RFX7: variants seen among roughly 807,000 people sequenced by gnomAD.
RFX7 encodes DNA-binding protein RFX7.
RFX7 carries 26 observed loss-of-function variants against 111.8 expected under a neutral mutation model. The observed-to-expected ratio is 0.23, with a 90% CI of 0.17 to 0.32. RFX7 has a LOEUF of 0.32. Ranked by LOEUF, RFX7 falls within the 10% of genes least tolerant of loss-of-function variation. RFX7 has a pLI of 1.00. For missense variants in RFX7, 1,573 were observed against 1,772.9 expected, an observed-to-expected ratio of 0.89 and a Z score of 2.02; for synonymous variants, 624 against 624.4, an observed-to-expected ratio of 1.00 and a Z score of 0.01.
chr15:56,210,237 A>C (rs1379763443), intron 2 of RFX7, among the ~76,000 whole-genome samples: 1 of 152,114 alleles, frequency 6.6e-6, no homozygotes, highest in East Asian at 1.9e-4. Context: ...ACATAGTGAT[A>C]AATAGGTGAA....
chr15:56,149,082 CAAA>C (rs34272707), intron 3 of RFX7, among the ~76,000 whole-genome samples: 8 of 78,922 alleles, frequency 1.0e-4, no homozygotes, highest in Admixed American at 2.9e-4. Context: ...GACTCCGTCT[CAAA>C]AAAAAAAAAA....
In RFX7 at chr15:56,243,166, T is replaced by C; in HGVS notation, c.120A>G (p.Thr40=). Reference sequence around the variant, plus strand: ...TCTTGTGTTGCAGCGCGCTGGCCTCTGTCCCTGGCAGCCCGGGCACAAGGG... The same window carrying C: ...TCTTGTGTTGCAGCGCGCTGGCCTCCGTCCCTGGCAGCCCGGGCACAAGGG... ...LPALVPGLPG[T]EASALQHKIK... is the part of the protein sequence containing the mutation. Residue 40 remains threonine, a synonymous_variant, in exon 2 of 10, where the codon ACA becomes ACG. Coordinates refer to ENST00000559447, the MANE Select transcript of RFX7 (RefSeq NM_022841.7). The C allele has an allele frequency of 7.4e-7, 1 of 1,358,516 alleles. No homozygotes were observed. Among genetic ancestry groups the C allele is most frequent in the South Asian group, 1.2e-5 (1 of 85,890 alleles). 84.2% of individuals were successfully genotyped at this position (1,358,516 alleles called of 1,614,324 possible).
chr15:56,218,737 G>C (rs2043394265), intron 2 of RFX7, among the ~76,000 whole-genome samples: 1 of 152,152 alleles, frequency 6.6e-6, no homozygotes, highest in South Asian at 2.1e-4. Context: ...AATAATAATG[G>C]TATCATGTAT....
At chr15:56,211,872 C>T (rs1483275880) in intron 2 of RFX7, among the ~76,000 whole-genome samples, 2 of 152,028 alleles carry the variant, frequency 1.3e-5, no homozygotes, top group Non-Finnish European at 2.9e-5. Flanking sequence ...AATACTGACA[C>T]CACCAAATCC....
chr15:56,110,355 G>C (rs1286041666), intron 5 of RFX7, among the ~76,000 whole-genome samples: 1 of 96,752 alleles, frequency 1.0e-5, no homozygotes, highest in African/African-American at 3.8e-5. Context: ...CAGCCGCCTC[G>C]TCCGGGAGGG....
chr15:56,134,351 G>T (rs2042260719), intron 5 of RFX7, among the ~76,000 whole-genome samples: 1 of 152,110 alleles, frequency 6.6e-6, no homozygotes, highest in African/African-American at 2.4e-5. Flanking sequence ...TAAAATTAGT[G>T]CCTACTATGT....
At chr15:56,127,113 T>A (rs564060864) in intron 5 of RFX7, among the ~76,000 whole-genome samples, 40 of 151,900 alleles carry the variant, frequency 2.6e-4, no homozygotes, top group African/African-American at 4.8e-4. Flanking sequence ...TAATACATTT[T>A]AAAAAAAACT....
chr15:56,238,362 A>C (rs768721103), intron 2 of RFX7, among the ~76,000 whole-genome samples: 13 of 152,350 alleles, frequency 8.5e-5, no homozygotes, highest in Non-Finnish European at 1.6e-4. Flanking sequence ...ACTAGAATTC[A>C]GAAAACATCC....
intron 2 of RFX7, among the ~76,000 whole-genome samples, chr15:56,182,940 A>G (rs2042991052): frequency 6.6e-6 from 1 of 152,126 alleles, no homozygotes; most frequent in Non-Finnish European, 1.5e-5. Context: ...GTATCCATTT[A>G]TACTTCCATT....
At chr15:56,209,149 T>G (rs1212440373) in intron 2 of RFX7, among the ~76,000 whole-genome samples, 1 of 150,778 alleles carries the variant, frequency 6.6e-6, no homozygotes, top group Non-Finnish European at 1.5e-5. Context: ...CTACAGAAAA[T>G]CAAAGATAGA....
intron 2 of RFX7, among the ~76,000 whole-genome samples, chr15:56,225,559 C>G (rs1372878027): frequency 6.6e-6 from 1 of 152,152 alleles, no homozygotes; most frequent in Non-Finnish European, 1.5e-5. Flanking sequence ...AGGTAATTCA[C>G]AACATTTCAC....
intron 5 of RFX7, among the ~76,000 whole-genome samples, chr15:56,111,656 T>TAAACCAAAAAAAAAAAAAAAAA (rs2041933509): frequency 6.0e-4 from 12 of 20,152 alleles, no homozygotes; most frequent in Non-Finnish European, 1.1e-3. Context: ...AAAAAATAAA[T>TAAACCAAAAAAAAAAAAAAAAA]AAACCAAAAA....
intron 2 of RFX7, among the ~76,000 whole-genome samples, chr15:56,191,223 T>C (rs74732227): frequency 0.019 from 2,853 of 152,342 alleles, 91 homozygotes; most frequent in African/African-American, 0.065. Flanking sequence ...TGTTTTGTAA[T>C]ATCTTTTTGA....
intron 2 of RFX7, among the ~76,000 whole-genome samples, chr15:56,190,819 AAG>A (rs1272470929): frequency 4.6e-5 from 7 of 152,232 alleles, no homozygotes; most frequent in Non-Finnish European, 1.0e-4. Context: ...GACAGGAAAA[AAG>A]GGGGTGAAAC....
chr15:56,211,210 G>A (rs1186829779), intron 2 of RFX7, among the ~76,000 whole-genome samples: 1 of 152,032 alleles, frequency 6.6e-6, no homozygotes, highest in East Asian at 1.9e-4. Context: ...AAAAAAGAAA[G>A]TATATCAATC....
intron 2 of RFX7, among the ~76,000 whole-genome samples, chr15:56,232,571 C>T (rs1355415500): frequency 6.6e-6 from 1 of 150,510 alleles, no homozygotes; most frequent in Non-Finnish European, 1.5e-5. Flanking sequence ...CAGGCTTGAA[C>T]TTCTCCTCAG....
At chr15:56,183,698 T>C (rs2043002141) in intron 2 of RFX7, among the ~76,000 whole-genome samples, 1 of 152,200 alleles carries the variant, frequency 6.6e-6, no homozygotes, top group South Asian at 2.1e-4. Flanking sequence ...CTTGGACCTT[T>C]GTTTTTCCAG....
At chr15:56,151,032 A>T (rs1157456958) in intron 3 of RFX7, among the ~76,000 whole-genome samples, 1 of 152,170 alleles carries the variant, frequency 6.6e-6, no homozygotes, top group Non-Finnish European at 1.5e-5. Context: ...AAAAGGTACG[A>T]GTCAAGCCTC....
intron 5 of RFX7, among the ~76,000 whole-genome samples, chr15:56,124,984 T>C (rs1179084421): frequency 6.6e-6 from 1 of 152,214 alleles, no homozygotes; most frequent in Non-Finnish European, 1.5e-5. Flanking sequence ...TTTTGTAGTT[T>C]TGGTCTTACA....
Sources: allele counts gnomAD v4.1 joint callset (sites outside exome capture counted in the v4.1 genomes callset), GRCh38; gene constraint gnomAD v4.1.1; transcripts MANE v1.5; gene names NCBI Gene and HGNC (gene_info 2026-07-23, HGNC 2026-07-21).